The following DGKB variants were observed in gnomAD, a reference collection of about 807,000 sequenced individuals.
DGKB encodes the protein diacylglycerol kinase beta, also known as 90 kDa diacylglycerol kinase.
Under a neutral mutation model 114.3 loss-of-function variants are expected in DGKB, and 67 were observed. The ratio of observed to expected loss-of-function variants is 0.59; its 90% CI spans 0.48 to 0.72. The LOEUF is 0.72. DGKB is among the 30% of genes least tolerant of loss of function. The pLI, the probability that DGKB is intolerant of heterozygous loss-of-function variation, is 0.00. For synonymous variants in DGKB, 398 were observed against 323.1 expected (o/e 1.23, Z -2.49); for missense variants, 907 against 975.2 (o/e 0.93, Z 0.93).
chr7:14,494,148 C>A, intron 20 of DGKB, among the ~76,000 whole-genome samples: 1 of 152,012 alleles, frequency 6.6e-6, no homozygotes, highest in Admixed American at 6.6e-5. Context: ...ATATTAAATT[C>A]TTTTAAAGGC....
At chr7:14,734,020 C>CGT (rs71004332) in intron 5 of DGKB, among the ~76,000 whole-genome samples, 8,560 of 148,016 alleles carry the variant, frequency 0.058, 565 homozygotes, top group African/African-American at 0.17. Flanking sequence ...TATACCAACA[C>CGT]GTGTGTGTGT....
intron 1 of DGKB, among the ~76,000 whole-genome samples, chr7:14,916,413 T>A (rs904003680): frequency 6.6e-6 from 1 of 151,944 alleles, no homozygotes; most frequent in African/African-American, 2.4e-5. Context: ...TCAGAGGACA[T>A]GTAAAAAAAG....
intron 17 of DGKB, among the ~76,000 whole-genome samples, chr7:14,601,470 C>G (rs538169590): frequency 5.1e-4 from 77 of 152,162 alleles, no homozygotes; most frequent in African/African-American, 1.7e-3. Context: ...TTGGTAACAC[C>G]CTTGGTGTTT....
chr7:14,209,850 G>A (rs1274911417), intron 23 of DGKB, among the ~76,000 whole-genome samples: 1 of 150,854 alleles, frequency 6.6e-6, no homozygotes, highest in East Asian at 1.9e-4. Flanking sequence ...TTATCATTTT[G>A]TTAAGCTATC....
At position 14,944,923 on chromosome 7, in the gene DGKB, C is replaced by T. The variant is rs116105503; in HGVS notation, c.-188+29773G>A. Among the ~76,000 whole-genome samples the T allele has an allele frequency of 4.6e-3, 688 of 151,132 alleles. 5 individuals are homozygous for T. Among genetic ancestry groups the T allele is most frequent in the African/African-American group, 0.016 (657 of 41,200 alleles). ...TTAGAATCAGAATAATTTTGTCTGG[C>T]GATAATCATACCATAATCATATGAT... On this transcript the variant is annotated intron_variant, in intron 1 of 4. Transcript: ENST00000437998.
At chr7:14,965,698 C>T (rs1787109116) in intron 1 of DGKB, among the ~76,000 whole-genome samples, 1 of 151,908 alleles carries the variant, frequency 6.6e-6, no homozygotes, top group Non-Finnish European at 1.5e-5. Flanking sequence ...GCAAAACCAC[C>T]CTTCATGCCT....
intron 2 of DGKB, among the ~76,000 whole-genome samples, chr7:14,788,751 GT>G (rs1487714656): frequency 3.3e-5 from 5 of 152,140 alleles, no homozygotes; most frequent in African/African-American, 1.2e-4. Context: ...ATGCTTCCCT[GT>G]GTACTGCCTG....
intron 2 of DGKB, among the ~76,000 whole-genome samples, chr7:14,768,062 CAA>C (rs1452500812): frequency 2.0e-5 from 3 of 151,992 alleles, no homozygotes; most frequent in African/African-American, 4.8e-5. Flanking sequence ...GTGGAGAAAC[CAA>C]AGTCTATTTA....
At chr7:14,205,230 T>C (rs1246992925) in intron 23 of DGKB, among the ~76,000 whole-genome samples, 1 of 151,978 alleles carries the variant, frequency 6.6e-6, no homozygotes, top group African/African-American at 2.4e-5. Flanking sequence ...CATCCTGATA[T>C]CTGCCTCCCC....
chr7:14,822,212 G>A (rs940292010), intron 2 of DGKB, among the ~76,000 whole-genome samples: 2 of 152,084 alleles, frequency 1.3e-5, no homozygotes, highest in African/African-American at 4.8e-5. Context: ...GAAATTGAGA[G>A]GAGAGGTTTG....
At chr7:14,581,070 A>G (rs572215791) in intron 18 of DGKB, 119 bp from the exon 19 acceptor site, 3 of 547,148 alleles carry the variant, frequency 5.5e-6, no homozygotes, top group Admixed American at 6.5e-5. Context: ...CATAAACAAA[A>G]CATAATTGTA....
At chr7:14,246,865 T>G (rs2128380688) in intron 23 of DGKB, among the ~76,000 whole-genome samples, 1 of 152,284 alleles carries the variant, frequency 6.6e-6, no homozygotes, top group Non-Finnish European at 1.5e-5. Flanking sequence ...ACACTATTAT[T>G]AACTATACTG....
intron 21 of DGKB, among the ~76,000 whole-genome samples, chr7:14,424,041 A>G (rs1047191733): frequency 5.9e-5 from 9 of 151,996 alleles, no homozygotes; most frequent in Non-Finnish European, 1.2e-4. Flanking sequence ...ATTACTCCCT[A>G]CCTGGTCTTG....
At chr7:14,350,208 A>G (rs191625238) in intron 21 of DGKB, among the ~76,000 whole-genome samples, 1 of 152,218 alleles carries the variant, frequency 6.6e-6, no homozygotes. Flanking sequence ...ACTATCAGAG[A>G]CTTTGTTCAA....
In DGKB at chr7:14,201,917, T is replaced by C. The variant is rs532035017; in HGVS notation, c.2123-23766A>G. Among the ~76,000 whole-genome samples the C allele has an allele frequency of 3.4e-3, 524 of 152,128 alleles. 5 individuals are homozygous for C. Among genetic ancestry groups the C allele is most frequent in the African/African-American group, 0.012 (510 of 41,540 alleles). On this transcript the variant is annotated intron_variant, in intron 23 of 25. Coordinates refer to ENST00000402815, the MANE Select transcript of DGKB (RefSeq NM_001350709.2). ...ACGTTGAATTAGTAATAATGTATTA[T>C]ATTAAGTACACTTGAAGCTTTCCTG... is the stretch of plus-strand genomic sequence containing the variant.
At position 14,488,783 on chromosome 7, in the gene DGKB, G is replaced by C. The variant is rs568011344; in HGVS notation, c.1771-10558C>G. Among the ~76,000 whole-genome samples the C allele has an allele frequency of 7.6e-4, 114 of 150,776 alleles. 2 individuals are homozygous for C. The highest frequency in any genetic ancestry group is 1.5e-3 in the Non-Finnish European group (103 of 67,724). ...GAGGAGATTGCAGTGAGCCGAGACT[G>C]CGCCACTGCACTCCATCCAAACGGG... is the stretch of plus-strand genomic sequence containing the variant. On this transcript the variant is annotated intron_variant, in intron 20 of 25. Transcript: ENST00000402815.
intron 1 of DGKB, among the ~76,000 whole-genome samples, chr7:14,843,320 T>A (rs1310311196): frequency 1.7e-5 from 1 of 60,532 alleles, no homozygotes; most frequent in East Asian, 7.6e-4. Flanking sequence ...AATAACTTTT[T>A]TTTTTTTTTT....
At chr7:14,664,203 A>G (rs991242308) in intron 13 of DGKB, among the ~76,000 whole-genome samples, 1 of 152,036 alleles carries the variant, frequency 6.6e-6, no homozygotes, top group Non-Finnish European at 1.5e-5. Flanking sequence ...TCATGGCTGC[A>G]TATTGGATCT....
intron 22 of DGKB, among the ~76,000 whole-genome samples, chr7:14,343,199 A>ACACACACACAC (rs1554366272): frequency 1.4e-5 from 2 of 146,386 alleles, no homozygotes; most frequent in Admixed American, 6.9e-5. Flanking sequence ...ACACACACAC[A>ACACACACACAC]ACAAGATATG....
Sources: gnomAD v4.1 joint callset for allele counts (sites outside exome capture counted in the v4.1 genomes callset) on GRCh38, gnomAD v4.1.1 for gene constraint, MANE v1.5 for transcripts, NCBI Gene and HGNC (gene_info 2026-07-23, HGNC 2026-07-21) for gene names.